SPAG16: variants seen among roughly 807,000 people sequenced by gnomAD.
SPAG16 encodes sperm associated antigen 16.
In SPAG16, 86 loss-of-function variants were observed where a neutral mutation model predicts 80.4. That is an observed-to-expected ratio of 1.07 (90% CI 0.90 to 1.28). The LOEUF (loss-of-function observed/expected upper bound fraction) is 1.28, where lower values mean the gene tolerates loss of function less well. SPAG16 is among the 50% of genes most tolerant of loss of function. The pLI is 0.00. For missense variants in SPAG16, 870 were observed against 765.3 expected (o/e 1.14, Z -1.61); for synonymous variants, 294 against 265.9 (o/e 1.11, Z -1.03).
rs1196855340 is a variant in SPAG16 at position 213,862,574 on chromosome 2, T to C, written c.1160T>C (p.Leu387Pro). The change falls in exon 11 of 16, where the codon CTT becomes CCT. Residue 387 changes from leucine (L) to proline (P), a missense_variant. Leu to Pro is a moderately conservative substitution (Grantham distance 98, BLOSUM62 -3). Coordinates refer to ENST00000331683, the MANE Select transcript of SPAG16 (RefSeq NM_024532.5). ...KVLGLPKCNV[L>P]LTGFGHTDWL... ...TTGGGCCTTCCAAAATGCAATGTGC[T>C]TCTCACGGGATTTGGCCACACTGAC... is the stretch of plus-strand genomic sequence containing the variant. The C allele has an allele frequency of 1.2e-6, 2 of 1,614,182 alleles. No individual in the cohort carries two copies. Among genetic ancestry groups the C allele is most frequent in the Non-Finnish European group, 1.7e-6 (2 of 1,180,014 alleles).
chr2:214,223,887 CA>C (rs1192761996), intron 15 of SPAG16, among the ~76,000 whole-genome samples: 1 of 152,110 alleles, frequency 6.6e-6, no homozygotes, highest in Non-Finnish European at 1.5e-5. Context: ...AGTTATGAGG[CA>C]TTGACCAAGG....
At chr2:213,728,789 A>G (rs2066892044) in intron 10 of SPAG16, among the ~76,000 whole-genome samples, 1 of 149,214 alleles carries the variant, frequency 6.7e-6, no homozygotes, top group South Asian at 2.2e-4. Flanking sequence ...AGGCAGGAGA[A>G]TGGCACGAAC....
chr2:214,231,509 T>A (rs572375364), intron 15 of SPAG16, among the ~76,000 whole-genome samples: 6 of 152,158 alleles, frequency 3.9e-5, no homozygotes, highest in African/African-American at 1.4e-4. Context: ...ACGATACTCA[T>A]GCATATAAGA....
In SPAG16 at chr2:213,658,821, G is replaced by A. The variant is rs1321869235; in HGVS notation, c.1070+168731G>A. Among the ~76,000 whole-genome samples, 4 of 152,130 alleles carry A rather than the reference G, an allele frequency of 2.6e-5. No homozygotes were observed. In the East Asian group the frequency reaches 5.8e-4, roughly 22 times the overall value. ...TAGGAGGCCAAGGTGGGCGGATCAC[G>A]AAGTCAGGAGATGAGACCATCCTGG... On this transcript the variant is annotated intron_variant, in intron 10 of 15. Transcript: ENST00000331683.
At chr2:213,634,259 ACT>A (rs2062272144) in intron 10 of SPAG16, among the ~76,000 whole-genome samples, 1 of 152,196 alleles carries the variant, frequency 6.6e-6, no homozygotes, top group Non-Finnish European at 1.5e-5. Flanking sequence ...TGATAAAATC[ACT>A]GTTTGCATAA....
chr2:213,961,866 G>C (rs1559633419), intron 12 of SPAG16, among the ~76,000 whole-genome samples: 1 of 151,814 alleles, frequency 6.6e-6, no homozygotes, highest in Non-Finnish European at 1.5e-5. Context: ...TATTTGTCTG[G>C]TTTTGATATA....
intron 1 of SPAG16, 189 bp downstream of exon 1, chr2:213,284,808 T>G: frequency 1.2e-6 from 1 of 827,766 alleles, no homozygotes; most frequent in Non-Finnish European, 1.8e-6. Flanking sequence ...TTCTCGCCCT[T>G]AGTAGCCCAG....
intron 15 of SPAG16, among the ~76,000 whole-genome samples, chr2:214,269,455 A>T (rs922733398): frequency 6.6e-6 from 1 of 151,904 alleles, no homozygotes. Context: ...TAATGTGTGT[A>T]TGTGTGCATG....
intron 15 of SPAG16, among the ~76,000 whole-genome samples, chr2:214,337,367 T>C (rs763141099): frequency 1.3e-5 from 2 of 152,202 alleles, no homozygotes; most frequent in Non-Finnish European, 2.9e-5. Context: ...TTCTGTCAAA[T>C]GAGACTCAAA....
rs775850946 is a variant in SPAG16, at chr2:213,375,112, A to G, written c.935A>G (p.Asn312Ser). Residue 312 changes from asparagine (N) to serine (S), a missense_variant, in exon 9 of 16, where the codon AAT (asparagine) becomes AGT (serine). Asn to Ser is a conservative substitution (Grantham distance 46). Transcript: ENST00000331683. ...QNKCKTKMKG[N>S]TKDSEFPIDM... ...AAATGTAAAACAAAGATGAAAGGCA[A>G]TACAAAGGTATGATATTTGTTTTTG... is the stretch of plus-strand genomic sequence containing the variant. 1.9e-6 allele frequency: 3 copies of G among 1,598,394 alleles called. No individual in the cohort carries two copies. Among genetic ancestry groups the G allele is most frequent in the East Asian group, 2.2e-5 (1 of 44,712 alleles).
At chr2:214,314,753 G>GTAGTAGCTAGGTTTAA (rs11274354) in intron 15 of SPAG16, among the ~76,000 whole-genome samples, 1 of 151,966 alleles carries the variant, frequency 6.6e-6, no homozygotes, top group Non-Finnish European at 1.5e-5. Flanking sequence ...TTTAAAAAAA[G>GTAGTAGCTAGGTTTAA]TGGGTTCACA....
At position 213,639,061 on chromosome 2, in the gene SPAG16, CCTT is replaced by C. The variant is rs566609331; in HGVS notation, c.1070+148975_1070+148977del. ...CTGTTTTGTCTAAGAATAGTTGACT[CCTT>C]CTTGCTTTTGGTGTCCATTGCATAC... is the stretch of plus-strand genomic sequence containing the variant. On this transcript the variant is annotated intron_variant, in intron 10 of 15. Coordinates refer to ENST00000331683, the MANE Select transcript of SPAG16 (RefSeq NM_024532.5). Among the ~76,000 whole-genome samples, 530 of 152,176 alleles carry C rather than the reference CCTT, an allele frequency of 3.5e-3. 3 individuals are homozygous for C. Among genetic ancestry groups the C allele is most frequent in the African/African-American group, 0.012 (509 of 41,520 alleles).
intron 11 of SPAG16, among the ~76,000 whole-genome samples, chr2:213,863,793 G>C (rs1338581407): frequency 6.6e-6 from 1 of 152,144 alleles, no homozygotes; most frequent in African/African-American, 2.4e-5. Context: ...TTTCTCATTA[G>C]TGTTTGACCA....
At chr2:213,945,550 CT>C (rs2079414286) in intron 12 of SPAG16, among the ~76,000 whole-genome samples, 1 of 151,910 alleles carries the variant, frequency 6.6e-6, no homozygotes, top group Non-Finnish European at 1.5e-5. Flanking sequence ...GTTTTTCTGC[CT>C]GCTTTATATT....
At chr2:213,285,205 T>A (rs2062010046) in intron 1 of SPAG16, among the ~76,000 whole-genome samples, 1 of 152,236 alleles carries the variant, frequency 6.6e-6, no homozygotes, top group Non-Finnish European at 1.5e-5. Context: ...GTTGCTTTTT[T>A]TTCTTGAGCA....
At chr2:214,122,680 A>C (rs1185275978) in intron 14 of SPAG16, among the ~76,000 whole-genome samples, 1 of 151,848 alleles carries the variant, frequency 6.6e-6, no homozygotes, top group Non-Finnish European at 1.5e-5. Flanking sequence ...AATTTTGCTT[A>C]CTTTTCCAGC....
At chr2:213,854,614 C>T (rs544787344) in intron 10 of SPAG16, among the ~76,000 whole-genome samples, 10 of 152,298 alleles carry the variant, frequency 6.6e-5, no homozygotes, top group African/African-American at 2.4e-4. Flanking sequence ...ATTCTAAGTC[C>T]TGTACAAGTA....
At chr2:214,103,763 G>GT (rs1385932892) in intron 13 of SPAG16, among the ~76,000 whole-genome samples, 1 of 150,910 alleles carries the variant, frequency 6.6e-6, no homozygotes, top group Non-Finnish European at 1.5e-5. Context: ...AGAGAAGACT[G>GT]TTTATTTTCT....
intron 10 of SPAG16, among the ~76,000 whole-genome samples, chr2:213,731,676 CT>C (rs2067052583): frequency 6.6e-6 from 1 of 152,052 alleles, no homozygotes; most frequent in Non-Finnish European, 1.5e-5. Flanking sequence ...GTGTGTTGTT[CT>C]CCACAATGTA....
Sources: gnomAD v4.1 joint callset for allele counts (sites outside exome capture counted in the v4.1 genomes callset) on GRCh38, gnomAD v4.1.1 for gene constraint, MANE v1.5 for transcripts, NCBI Gene and HGNC (gene_info 2026-07-23, HGNC 2026-07-21) for gene names.